The following LAMB1 variants were observed in gnomAD, a reference collection of about 807,000 sequenced individuals.
The protein encoded by LAMB1 is laminin subunit beta 1, also known as laminin subunit beta-1.
In LAMB1, 121 loss-of-function variants were observed where a neutral mutation model predicts 222.3. The observed-to-expected ratio is 0.54, with a 90% confidence interval of 0.47 to 0.63. The LOEUF (loss-of-function observed/expected upper bound fraction) is 0.63, where lower values mean the gene tolerates loss of function less well. Among genes scored for constraint, LAMB1 ranks in the 30% least tolerant of loss-of-function variants. The pLI is 0.00. For synonymous variants in LAMB1, 794 were observed against 807.2 expected (o/e 0.98, Z 0.28); for missense variants, 2,172 against 2,240.8 (o/e 0.97, Z 0.62).
Position 107,994,880 on chromosome 7 carries a change from T to C in LAMB1, c.423+7A>G, listed in dbSNP as rs183468521. ...TGTCATTTGTGAGAAAGTCATGGAT[T>C]TCTTACCTTGAAAGTCATTATGAGA... is the stretch of plus-strand genomic sequence containing the variant. On this transcript the variant is annotated splice_region_variant and intron_variant, in intron 5 of 33. Transcript: ENST00000222399. 8 of 1,538,920 alleles carry C rather than the reference T, an allele frequency of 5.2e-6. No homozygotes were observed. The Admixed American group carries it at 8.4e-5, about 16-fold the overall frequency.
chr7:107,930,415 A>G, intron 29 of LAMB1, among the ~76,000 whole-genome samples: 1 of 152,218 alleles, frequency 6.6e-6, no homozygotes, highest in East Asian at 1.9e-4. Context: ...TATCCTTAGC[A>G]AATACTGTTG....
At chr7:107,955,293 A>T (rs964165555) in intron 21 of LAMB1, among the ~76,000 whole-genome samples, 174 bp downstream of exon 21, 3 of 152,206 alleles carry the variant, frequency 2.0e-5, no homozygotes, top group African/African-American at 7.2e-5. Context: ...CTCAATATGA[A>T]TTGACTCCAC....
chr7:107,986,119 G>T, intron 6 of LAMB1, 34 bp from the exon 7 acceptor site: 1 of 1,608,964 alleles, frequency 6.2e-7, no homozygotes, highest in African/African-American at 1.3e-5. Flanking sequence ...TGGTACTTCT[G>T]CAATAATCAA....
chr7:107,956,852 T>G (rs2033388441), intron 20 of LAMB1, among the ~76,000 whole-genome samples: 1 of 152,168 alleles, frequency 6.6e-6, no homozygotes, highest in South Asian at 2.1e-4. Context: ...ATCCAACATG[T>G]CAATCCCACT....
chr7:107,951,129 AATTTGTACTGTGTTTT>A, intron 24 of LAMB1, 81 bp downstream of exon 24: 1 of 826,462 alleles, frequency 1.2e-6, no homozygotes, highest in South Asian at 1.6e-5. Context: ...TAGACACGTT[AATTTGTACTGTGTTTT>A]ATAATTTACA....
Position 107,972,981 on chromosome 7 carries a change from G to C in LAMB1, c.1562+11C>G, listed in dbSNP as rs745979203. ...GACTGAGGACAAGAGCATACGTAGA[G>C]CTCCATTTACCTGTTGTTTAAGGCT... On this transcript the variant is annotated intron_variant, in intron 13 of 33. Coordinates refer to ENST00000222399, the MANE Select transcript of LAMB1 (RefSeq NM_002291.3). The C allele has an allele frequency of 6.2e-7, 1 of 1,602,656 alleles. No individual in the cohort carries two copies. The highest frequency in any genetic ancestry group is 1.1e-5 in the South Asian group (1 of 90,844).
chr7:107,924,475 A>G, intron 32 of LAMB1, 86 bp from the exon 33 acceptor site: 6 of 1,054,110 alleles, frequency 5.7e-6, no homozygotes, highest in Non-Finnish European at 6.6e-6. Context: ...CATGGCATGC[A>G]TTCTGGATTA....
At chr7:107,929,298 G>T in intron 30 of LAMB1, 93 bp from the exon 31 acceptor site, 3 of 1,516,650 alleles carry the variant, frequency 2.0e-6, no homozygotes, top group South Asian at 2.3e-5. Context: ...TTCCTGAAAT[G>T]ACCCAGAGAG....
chr7:107,999,613 T>C (rs1177772694), intron 3 of LAMB1, among the ~76,000 whole-genome samples: 1 of 152,156 alleles, frequency 6.6e-6, no homozygotes, highest in African/African-American at 2.4e-5. Context: ...ATTAGGAGCC[T>C]GGATAAAACA....
intron 15 of LAMB1, among the ~76,000 whole-genome samples, chr7:107,962,484 C>T (rs570885988): frequency 3.3e-5 from 5 of 152,132 alleles, no homozygotes; most frequent in African/African-American, 7.2e-5. Context: ...GAGGCTGAGG[C>T]GGGCGAATCA....
At chr7:107,991,502 G>A (rs1423752197) in intron 5 of LAMB1, among the ~76,000 whole-genome samples, 1 of 151,734 alleles carries the variant, frequency 6.6e-6, no homozygotes, top group African/African-American at 2.4e-5. Flanking sequence ...CAGGAGAACT[G>A]CTTGAACCCA....
At chr7:107,925,022 G>T (rs999949247) in intron 32 of LAMB1, among the ~76,000 whole-genome samples, 1 of 152,126 alleles carries the variant, frequency 6.6e-6, no homozygotes. Flanking sequence ...CTGAAGCAGA[G>T]TACTTGAGAA....
chr7:107,992,879 A>G (rs1303566308), intron 5 of LAMB1, among the ~76,000 whole-genome samples: 3 of 152,142 alleles, frequency 2.0e-5, no homozygotes, highest in Admixed American at 6.5e-5. Flanking sequence ...TGGGCAATAG[A>G]GCAAGACTCA....
intron 5 of LAMB1, among the ~76,000 whole-genome samples, chr7:107,992,712 A>G (rs1410300588): frequency 1.3e-5 from 2 of 152,258 alleles, no homozygotes; most frequent in African/African-American, 2.4e-5. Context: ...CCTGGCCAAC[A>G]TGGTGAAACC....
rs2150429876 is a variant in LAMB1 at position 107,962,909 on chromosome 7, G to C, written c.1853C>G (p.Pro618Arg). 1 of 1,611,598 alleles carries C rather than the reference G, an allele frequency of 6.2e-7. No individual in the cohort carries two copies. Among genetic ancestry groups the C allele is most frequent in the Non-Finnish European group, 8.5e-7 (1 of 1,178,752 alleles). ...MEYDILIRYE[P>R]QLPDHWEKAV... ...TCCACTAAGTGGTTTCTTTACCTGT[G>C]GCTCGTAGCGAATTAGGATGTCGTA... is the stretch of plus-strand genomic sequence containing the variant. The change falls in exon 15 of 34, where the codon CCA (proline) becomes CGA (arginine). Residue 618 changes from proline to arginine, a missense_variant. Coordinates refer to ENST00000222399, the MANE Select transcript of LAMB1 (RefSeq NM_002291.3).
intron 9 of LAMB1, 95 bp from the exon 10 acceptor site, chr7:107,975,972 T>A: frequency 9.2e-7 from 1 of 1,086,560 alleles, no homozygotes; most frequent in Non-Finnish European, 1.3e-6. Context: ...AACCAGGGAC[T>A]AAGTTCAGAC....
intron 14 of LAMB1, among the ~76,000 whole-genome samples, chr7:107,964,120 C>T (rs1053588646): frequency 9.9e-5 from 15 of 152,182 alleles, no homozygotes; most frequent in South Asian, 2.1e-4. Context: ...AAAGAAAGGT[C>T]GTGTTCGTGT....
intron 26 of LAMB1, among the ~76,000 whole-genome samples, chr7:107,936,695 C>A (rs993212380): frequency 2.0e-5 from 3 of 152,006 alleles, no homozygotes; most frequent in Non-Finnish European, 4.4e-5. Context: ...TAATGATTTG[C>A]AAAAGTTTTT....
At chr7:107,931,044 C>G (rs2032696645) in intron 29 of LAMB1, among the ~76,000 whole-genome samples, 1 of 152,096 alleles carries the variant, frequency 6.6e-6, no homozygotes, top group Admixed American at 6.5e-5. Flanking sequence ...AAATAACAAA[C>G]TCCACTTCTT....
Sources: allele counts gnomAD v4.1 joint callset (sites outside exome capture counted in the v4.1 genomes callset), GRCh38; gene constraint gnomAD v4.1.1; transcripts MANE v1.5; gene names NCBI Gene and HGNC (gene_info 2026-07-23, HGNC 2026-07-21).